JAKMIP2: variants seen among roughly 807,000 people sequenced by gnomAD.
The protein encoded by JAKMIP2 is janus kinase and microtubule-interacting protein 2.
JAKMIP2 carries 25 observed loss-of-function variants against 115.0 expected under a neutral mutation model. That is an observed-to-expected ratio of 0.22 (90% CI 0.16 to 0.30). The LOEUF is 0.30. JAKMIP2 is among the 10% of genes least tolerant of loss of function. JAKMIP2 has a pLI of 1.00. For missense variants in JAKMIP2, 642 were observed against 957.6 expected, an observed-to-expected ratio of 0.67 and a Z score of 4.35; for synonymous variants, 334 against 343.6, an observed-to-expected ratio of 0.97 and a Z score of 0.31.
intron 19 of JAKMIP2, among the ~76,000 whole-genome samples, chr5:147,616,622 C>T (rs768668661): frequency 3.3e-5 from 5 of 152,072 alleles, no homozygotes; most frequent in Non-Finnish European, 7.4e-5. Flanking sequence ...ACATTTTTAT[C>T]CCCTGCTAGA....
At chr5:147,631,392 A>G (rs773540839) in intron 14 of JAKMIP2, 21 bp downstream of exon 14, 2 of 1,494,068 alleles carry the variant, frequency 1.3e-6, no homozygotes, top group Admixed American at 1.9e-5. Flanking sequence ...TACAAACATA[A>G]AAAATGAAAT....
At chr5:147,775,203 C>A (rs549560799) in intron 1 of JAKMIP2, among the ~76,000 whole-genome samples, 20 of 152,262 alleles carry the variant, frequency 1.3e-4, no homozygotes, top group East Asian at 5.8e-4. Flanking sequence ...CCCTCTTGTA[C>A]AAGTCACTCT....
chr5:147,677,207 C>T (rs773539213), intron 1 of JAKMIP2, among the ~76,000 whole-genome samples: 4 of 152,250 alleles, frequency 2.6e-5, no homozygotes, highest in Middle Eastern at 3.4e-3. Context: ...ATTAAACAAA[C>T]GGATGTAAGT....
chr5:147,695,416 C>T (rs1752059130), intron 1 of JAKMIP2, among the ~76,000 whole-genome samples: 1 of 152,112 alleles, frequency 6.6e-6, no homozygotes, highest in African/African-American at 2.4e-5. Context: ...TTAATGGCTT[C>T]TGTTAGTCTG....
At chr5:147,704,966 G>C (rs1180517553) in intron 1 of JAKMIP2, among the ~76,000 whole-genome samples, 1 of 152,130 alleles carries the variant, frequency 6.6e-6, no homozygotes, top group African/African-American at 2.4e-5. Context: ...GAATTACAAG[G>C]TACAAGCAAA....
chr5:147,684,955 A>G (rs1760498155), intron 1 of JAKMIP2, among the ~76,000 whole-genome samples: 1 of 152,196 alleles, frequency 6.6e-6, no homozygotes, highest in African/African-American at 2.4e-5. Context: ...TTTCTTCATC[A>G]TTCCACATCT....
At chr5:147,718,370 T>G (rs1240474080) in intron 1 of JAKMIP2, among the ~76,000 whole-genome samples, 2 of 151,338 alleles carry the variant, frequency 1.3e-5, no homozygotes, top group African/African-American at 4.9e-5. Context: ...ACAAAATGAG[T>G]TAGGGAGGAT....
In JAKMIP2 at chr5:147,611,375, T is replaced by C. The variant is rs117008985; in HGVS notation, c.2412+931A>G. Among the ~76,000 whole-genome samples, 947 of 152,246 alleles carry C rather than the reference T, an allele frequency of 6.2e-3. 51 individuals carry two copies. The East Asian group carries it at 0.13, about 21-fold the overall frequency. On this transcript the variant is annotated intron_variant, in intron 20 of 21. Transcript: ENST00000616793. ...TGAAGACCATGAGAAAAGTGTAGTA[T>C]CTGGGCCGGAGTGCACCATCCCTCA... is the stretch of plus-strand genomic sequence containing the variant.
At chr5:147,671,654 C>A in intron 2 of JAKMIP2, 24 bp downstream of exon 2, 1 of 1,372,114 alleles carries the variant, frequency 7.3e-7, no homozygotes, top group Non-Finnish European at 9.5e-7. Context: ...CTTAATGCCA[C>A]GACCTCAGGT....
In JAKMIP2 at chr5:147,617,931, G is replaced by C; in HGVS notation, c.2326C>G (p.Leu776Val). The change falls in exon 19 of 22, where the codon CTC (leucine) becomes GTC (valine). Residue 776 changes from leucine (L) to valine (V), a missense_variant. Around this residue, in one of 6 missense-constraint regions of JAKMIP2, gnomAD observed 26 missense variants for 50.5 expected, o/e 0.51. Coordinates refer to ENST00000616793, the MANE Select transcript of JAKMIP2 (RefSeq NM_001270941.2). ...CTCACCTGATGGGCTTGCTGTAAGA[G>C]CTCCATTCTCTCCTGAAGAATCTGA... is the stretch of plus-strand genomic sequence containing the variant. ...DCQILQERMELLQQAHQRIRD... is the reference protein window; with the variant it reads ...DCQILQERMEVLQQAHQRIRD... The C allele has an allele frequency of 6.2e-7, 1 of 1,614,102 alleles. No individual in the cohort carries two copies. Among genetic ancestry groups the C allele is most frequent in the Non-Finnish European group, 8.5e-7 (1 of 1,179,998 alleles).
At chr5:147,703,218 T>A (rs1446514818) in intron 1 of JAKMIP2, among the ~76,000 whole-genome samples, 1 of 152,160 alleles carries the variant, frequency 6.6e-6, no homozygotes, top group Non-Finnish European at 1.5e-5. Context: ...CAAACCTATA[T>A]GGTAAAGCCC....
rs912673503 is a variant in JAKMIP2, at chr5:147,589,465, G to T, written c.*2242C>A. The stretch of plus-strand genomic sequence containing the variant: ...CCATCTCAAAAAAAAAAAAAAAAAA[G>T]AATACAGCAGGATAGTCTGTTTTGT... On this transcript the variant is annotated 3_prime_UTR_variant, in exon 22 of 22. Coordinates refer to ENST00000616793, the MANE Select transcript of JAKMIP2 (RefSeq NM_001270941.2). The T allele has an allele frequency of 2.3e-5, 3 of 127,990 alleles. No individual in the cohort carries two copies. Among genetic ancestry groups the T allele is most frequent in the East Asian group, 4.6e-4 (2 of 4,376 alleles). The allele number at this position is 127,990 out of a possible 1,614,324, so 7.9% of individuals were successfully genotyped here.
intron 1 of JAKMIP2, among the ~76,000 whole-genome samples, chr5:147,773,798 A>G (rs540804790): frequency 2.6e-5 from 4 of 152,116 alleles, no homozygotes; most frequent in Admixed American, 2.0e-4. Context: ...TCGTAGGCTA[A>G]TATTTTCCTT....
intron 1 of JAKMIP2, among the ~76,000 whole-genome samples, chr5:147,780,994 T>C (rs537802497): frequency 1.3e-5 from 2 of 152,328 alleles, no homozygotes; most frequent in South Asian, 2.1e-4. Context: ...TGGGCGGGAA[T>C]GGAACCTCCT....
At chr5:147,740,334 T>G (rs1680146503) in intron 1 of JAKMIP2, among the ~76,000 whole-genome samples, 1 of 152,190 alleles carries the variant, frequency 6.6e-6, no homozygotes, top group African/African-American at 2.4e-5. Context: ...CTGATTGCCA[T>G]TACATACCTA....
rs539309810 is a variant in JAKMIP2, at chr5:147,659,594, T to C, written c.627+1354A>G. 7.5e-4 allele frequency among the ~76,000 whole-genome samples: 115 copies of C among 152,340 alleles called. 1 individual carries two copies. Among genetic ancestry groups the C allele is most frequent in the African/African-American group, 2.6e-3 (110 of 41,564 alleles). ...TTAGCAGATCAAGTGGATATACTTA[T>C]AGATTTTATATTGAAAACCATCAAC... On this transcript the variant is annotated intron_variant, in intron 3 of 21. Transcript: ENST00000616793.
At chr5:147,769,733 G>A (rs1046676040) in intron 1 of JAKMIP2, among the ~76,000 whole-genome samples, 3 of 142,988 alleles carry the variant, frequency 2.1e-5, no homozygotes, top group African/African-American at 7.8e-5. Context: ...GGTATTTTGT[G>A]TAGAGCGCCT....
Position 147,615,085 on chromosome 5 carries a change from G to C in JAKMIP2, c.2347-2714C>G, listed in dbSNP as rs114516466. ...TCAGTCATTGTTCATTTGTTCTGTGGCTCTGCCCCTGTCCCTCTGTGAGAT... is the reference window on the plus strand; with the variant it reads ...TCAGTCATTGTTCATTTGTTCTGTGCCTCTGCCCCTGTCCCTCTGTGAGAT... On this transcript the variant is annotated intron_variant, in intron 19 of 21. Coordinates refer to ENST00000616793, the MANE Select transcript of JAKMIP2 (RefSeq NM_001270941.2). 5.9e-3 allele frequency among the ~76,000 whole-genome samples: 905 copies of C among 152,250 alleles called. 15 individuals carry two copies. Among genetic ancestry groups the C allele is most frequent in the African/African-American group, 0.021 (871 of 41,544 alleles).
At chr5:147,764,605 G>A (rs1755045851) in intron 1 of JAKMIP2, among the ~76,000 whole-genome samples, 1 of 151,856 alleles carries the variant, frequency 6.6e-6, no homozygotes, top group Admixed American at 6.6e-5. Flanking sequence ...GAGCAATTCG[G>A]CTAGGGGCAG....
Sources: gnomAD v4.1 joint callset for allele counts (sites outside exome capture counted in the v4.1 genomes callset) on GRCh38, gnomAD v4.1.1 for gene constraint, gnomAD v4.1.1 regional missense constraint, MANE v1.5 for transcripts, NCBI Gene and HGNC (gene_info 2026-07-23, HGNC 2026-07-21) for gene names.